DDX43: variants seen among roughly 807,000 people sequenced by gnomAD.
DDX43 encodes the protein DEAD-box helicase 43.
In DDX43, 50 loss-of-function variants were observed where a neutral mutation model predicts 84.9. The ratio of observed to expected loss-of-function variants is 0.59; its 90% CI spans 0.47 to 0.75. The LOEUF (loss-of-function observed/expected upper bound fraction) is 0.75. Ranked by LOEUF, DDX43 falls within the 30% of genes least tolerant of loss-of-function variation. DDX43 has a pLI of 0.00. For missense variants in DDX43, 689 were observed against 798.6 expected, an observed-to-expected ratio of 0.86 and a Z score of 1.65; for synonymous variants, 291 against 266.3, an observed-to-expected ratio of 1.09 and a Z score of -0.90.
Position 73,414,670 on chromosome 6 carries a change from C to T in DDX43, c.1729C>T (p.Arg577Cys). Residue 577 changes from arginine to cysteine, a missense_variant, in exon 14 of 17, where the codon CGC becomes TGC. Transcript: ENST00000370336. The part of the protein sequence containing the change: ...NIEEYVHRIG[R>C]TGRAGRTGVS... ...TGAAGAATACGTACACCGAATAGGG[C>T]GCACGGGAAGAGCAGGGTAAGTAAG... 1 of 1,612,636 alleles carries T rather than the reference C, an allele frequency of 6.2e-7. No homozygotes were observed. Among genetic ancestry groups the T allele is most frequent in the Middle Eastern group, 1.7e-4 (1 of 6,054 alleles).
At chr6:73,401,781 G>A (rs1233151213) in intron 3 of DDX43, 78 bp from the exon 4 acceptor site, 9 of 1,358,464 alleles carry the variant, frequency 6.6e-6, no homozygotes, top group East Asian at 2.7e-5. Flanking sequence ...CAGCCTGGGG[G>A]ACAGAGCGAG....
chr6:73,409,214 T>C (rs770904262), intron 9 of DDX43, 34 bp from the exon 10 acceptor site: 7 of 1,529,966 alleles, frequency 4.6e-6, no homozygotes, highest in Non-Finnish European at 4.5e-6. Flanking sequence ...GCCTCCCATA[T>C]CTAATCTAAC....
At chr6:73,413,855 A>G in intron 12 of DDX43, 70 bp downstream of exon 12, 3 of 1,546,380 alleles carry the variant, frequency 1.9e-6, no homozygotes, top group Admixed American at 1.9e-5. Context: ...TTTGTATACT[A>G]ATTCCAAATG....
At chr6:73,404,864 C>CG in intron 5 of DDX43, 93 bp downstream of exon 5, 27 of 976,884 alleles carry the variant, frequency 2.8e-5, no homozygotes, top group Non-Finnish European at 3.9e-5. Flanking sequence ...TATTTGAAGG[C>CG]TACGCCTTCA....
In DDX43 at chr6:73,416,034, A is replaced by G. The variant is rs866936272; in HGVS notation, c.1834-79A>G. The stretch of plus-strand genomic sequence containing the variant: ...ATGTCATGTAACCAGCTGTGCGATT[A>G]TCTGAAATGATTTGGATGCATTTTA... On this transcript the variant is annotated intron_variant, in intron 15 of 16. Transcript: ENST00000370336. The G allele has an allele frequency of 6.4e-6, 5 of 778,924 alleles. No homozygotes were observed. In the Middle Eastern group the frequency reaches 7.1e-4, roughly 110 times the overall value. 48.3% of individuals were successfully genotyped at this position (778,924 alleles called of 1,614,324 possible).
intron 4 of DDX43, among the ~76,000 whole-genome samples, chr6:73,403,741 C>G (rs1769620324): frequency 6.6e-6 from 1 of 152,018 alleles, no homozygotes; most frequent in African/African-American, 2.4e-5. Flanking sequence ...CCTCCATCTC[C>G]CAGGCTCAAG....
In DDX43 at chr6:73,397,304, G is replaced by A. The variant is rs566668640; in HGVS notation, c.251-385G>A. 1.0e-3 allele frequency among the ~76,000 whole-genome samples: 156 copies of A among 152,304 alleles called. 1 individual carries two copies. Among genetic ancestry groups the A allele is most frequent in the Middle Eastern group, 6.8e-3 (2 of 294 alleles). On this transcript the variant is annotated intron_variant, in intron 1 of 16. Transcript: ENST00000370336. ...GATTTGCGTGGACCTGATTAGTGAT[G>A]TTGAACATCTCATGCCTGTTGGCCA... is the stretch of plus-strand genomic sequence containing the variant.
At chr6:73,395,284 GC>G in intron 1 of DDX43, 129 bp downstream of exon 1, 1 of 1,197,454 alleles carries the variant, frequency 8.4e-7, no homozygotes, top group South Asian at 1.6e-5. Flanking sequence ...CTCTCCCAGA[GC>G]TATTTGTAAA....
intron 11 of DDX43, among the ~76,000 whole-genome samples, chr6:73,413,263 A>G (rs1481291116): frequency 6.6e-6 from 1 of 152,182 alleles, no homozygotes; most frequent in Non-Finnish European, 1.5e-5. Context: ...ATTAATAATA[A>G]TGGGTCATTG....
At position 73,407,665 on chromosome 6, in the gene DDX43, T is replaced by G. The variant is rs577576946; in HGVS notation, c.1037+50T>G. 79 of 1,279,592 alleles carry G rather than the reference T, an allele frequency of 6.2e-5. No individual in the cohort carries two copies. The South Asian group carries it at 8.9e-4, about 14-fold the overall frequency. 79.3% of individuals were successfully genotyped at this position (1,279,592 alleles called of 1,614,324 possible). On this transcript the variant is annotated intron_variant, in intron 8 of 16. Transcript: ENST00000370336. Reference sequence around the variant, plus strand: ...TTCACCAGTATCATATTTTAATCATTTGTAGCTTTACACATCTTCCCCATC... The same window carrying G: ...TTCACCAGTATCATATTTTAATCATGTGTAGCTTTACACATCTTCCCCATC...
chr6:73,395,549 G>A (rs1388188862), intron 1 of DDX43, among the ~76,000 whole-genome samples: 3 of 151,808 alleles, frequency 2.0e-5, no homozygotes, highest in Non-Finnish European at 4.4e-5. Context: ...GGCGGCAGAA[G>A]TTGGCAGTGA....
chr6:73,403,859 C>T (rs1373227694), intron 4 of DDX43, among the ~76,000 whole-genome samples: 1 of 151,562 alleles, frequency 6.6e-6, no homozygotes, highest in Non-Finnish European at 1.5e-5. Context: ...CTCTTGTTGC[C>T]CAGGCTGGAG....
intron 4 of DDX43, among the ~76,000 whole-genome samples, chr6:73,404,445 C>G (rs1357916741): frequency 1.3e-5 from 2 of 152,186 alleles, no homozygotes; most frequent in Middle Eastern, 3.4e-3. Context: ...ACTATTTTGC[C>G]CAGGCTCAAG....
chr6:73,397,880 C>A, intron 2 of DDX43, 136 bp downstream of exon 2: 1 of 640,620 alleles, frequency 1.6e-6, no homozygotes, highest in Non-Finnish European at 2.6e-6. Flanking sequence ...TCAGTACAAC[C>A]TCTGCCTCCT....
rs1206921665 is a variant in DDX43 at position 73,400,249 on chromosome 6, C to G, written c.322C>G (p.Pro108Ala). The G allele has an allele frequency of 6.2e-7, 1 of 1,604,034 alleles. No individual in the cohort carries two copies. Among genetic ancestry groups the G allele is most frequent in the Non-Finnish European group, 8.5e-7 (1 of 1,176,668 alleles). Reference protein sequence around the residue: ...NTTIQIIQEQPESLVKIFGSK... With the variant: ...NTTIQIIQEQAESLVKIFGSK... The stretch of plus-strand genomic sequence containing the variant: ...TTGTACCTAGATAATACAAGAACAA[C>G]CAGAATCATTAGTCAAAATTTTTGG... Residue 108 changes from proline (P) to alanine (A), a missense_variant, in exon 3 of 17, where the codon CCA becomes GCA. By Grantham distance (27) the Pro-to-Ala change is conservative. Coordinates refer to ENST00000370336, the MANE Select transcript of DDX43 (RefSeq NM_018665.3).
intron 13 of DDX43, among the ~76,000 whole-genome samples, 168 bp downstream of exon 13, chr6:73,414,247 A>G (rs1769860838): frequency 1.3e-5 from 2 of 152,238 alleles, no homozygotes. Flanking sequence ...GCCTTTAAGT[A>G]TTAAATAAAC....
intron 3 of DDX43, 31 bp downstream of exon 3, chr6:73,400,394 A>G (rs771115450): frequency 2.6e-6 from 4 of 1,562,114 alleles, no homozygotes; most frequent in South Asian, 1.2e-5. Flanking sequence ...GAACCCCTTT[A>G]AAAGTTTTTA....
chr6:73,412,940 G>T (rs1362938604), intron 11 of DDX43, among the ~76,000 whole-genome samples: 1 of 152,120 alleles, frequency 6.6e-6, no homozygotes, highest in Non-Finnish European at 1.5e-5. Context: ...TGTTGGCCAG[G>T]CTGGTCTCAA....
At position 73,407,614 on chromosome 6, in the gene DDX43, AG is replaced by A; in HGVS notation, c.1037+1del. On this transcript the variant is annotated frameshift_variant and splice_region_variant, in exon 8 of 17. Transcript: ENST00000370336. LOFTEE classifies it high-confidence loss of function. ...CCKYSYKGLR[S>X]VCVYGGGNRD... is the part of the protein sequence containing the mutation. ...CAAATATTCATATAAAGGGCTTCGG[AG>A]GTAAGTAATTTTTTTTCCCATTCCT... is the stretch of plus-strand genomic sequence containing the variant. 1 of 1,597,312 alleles carries A rather than the reference AG, an allele frequency of 6.3e-7. No individual in the cohort carries two copies. The highest frequency in any genetic ancestry group is 8.6e-7 in the Non-Finnish European group (1 of 1,166,978).
Sources: allele counts gnomAD v4.1 joint callset (sites outside exome capture counted in the v4.1 genomes callset), GRCh38; gene constraint gnomAD v4.1.1; transcripts MANE v1.5; gene names NCBI Gene and HGNC (gene_info 2026-07-23, HGNC 2026-07-21).